Variants in SEMA5A observed in about 807,000 individuals in gnomAD.
SEMA5A encodes semaphorin 5A.
SEMA5A carries 55 observed loss-of-function variants against 135.5 expected under a neutral mutation model. That is an observed-to-expected ratio of 0.41 (90% CI 0.33 to 0.51). The LOEUF is 0.51. Ranked by LOEUF, SEMA5A falls within the 20% of genes least tolerant of loss-of-function variation. The pLI is 0.37. For synonymous variants in SEMA5A, 580 were observed against 546.5 expected (o/e 1.06, Z -0.85); for missense variants, 1,290 against 1,419.9 (o/e 0.91, Z 1.47).
chr5:9,230,855 G>A (rs1349263445), intron 6 of SEMA5A, among the ~76,000 whole-genome samples: 6 of 152,146 alleles, frequency 3.9e-5, no homozygotes, highest in Non-Finnish European at 8.8e-5. Flanking sequence ...CAGGAGCAAC[G>A]AGTGGAGGTG....
intron 18 of SEMA5A, 48 bp downstream of exon 18, chr5:9,062,839 A>G: frequency 6.3e-7 from 1 of 1,589,260 alleles, no homozygotes; most frequent in South Asian, 1.1e-5. Context: ...AAGACTCTCC[A>G]AGGCCCTTGA....
At chr5:9,046,780 T>C (rs257090) in intron 21 of SEMA5A, among the ~76,000 whole-genome samples, 136,632 of 152,270 alleles carry the variant, frequency 0.9, 61,505 homozygotes, top group East Asian at 0.96. Flanking sequence ...GATCTGCCCC[T>C]TCGGGTGCAT....
chr5:9,541,269 T>C (rs1009233790), intron 1 of SEMA5A, among the ~76,000 whole-genome samples: 1 of 152,242 alleles, frequency 6.6e-6, no homozygotes, highest in Non-Finnish European at 1.5e-5. Flanking sequence ...GTAATTGAAT[T>C]ACCTATTGCA....
At chr5:9,330,259 G>C (rs1022339098) in intron 4 of SEMA5A, among the ~76,000 whole-genome samples, 5 of 151,858 alleles carry the variant, frequency 3.3e-5, no homozygotes, top group Non-Finnish European at 7.4e-5. Context: ...GCGTGGTAGC[G>C]GGCGCCTGTA....
At chr5:9,113,875 A>G (rs1374647745) in intron 15 of SEMA5A, among the ~76,000 whole-genome samples, 2 of 152,234 alleles carry the variant, frequency 1.3e-5, no homozygotes, top group Non-Finnish European at 2.9e-5. Flanking sequence ...GTCTCTTTAG[A>G]AAGCAGCATG....
rs34073609 is a variant in SEMA5A at position 9,204,728 on chromosome 5, A to AC, written c.647-2489dup. On this transcript the variant is annotated intron_variant, in intron 8 of 22. Transcript: ENST00000382496. This position sits in a 1 kb window ranked among gnomAD's most constrained non-coding sequence, Gnocchi z 6.4. ...GAATCCATTAGACCGGGGGTCACCA[A>AC]CCCCCAGGACATGGACCAGTACCAG... is the stretch of plus-strand genomic sequence containing the variant. Among the ~76,000 whole-genome samples, 1 of 152,024 alleles carries AC rather than the reference A, an allele frequency of 6.6e-6. No homozygotes were observed. The highest frequency in any genetic ancestry group is 1.5e-5 in the Non-Finnish European group (1 of 67,998).
chr5:9,541,564 G>C (rs1010198612), intron 1 of SEMA5A, among the ~76,000 whole-genome samples: 4 of 152,098 alleles, frequency 2.6e-5, no homozygotes, highest in Non-Finnish European at 5.9e-5. Flanking sequence ...AGGAAAAAAA[G>C]AGTTTAAAAA....
At chr5:9,193,860 G>A (rs1561006926) in intron 10 of SEMA5A, among the ~76,000 whole-genome samples, 1 of 152,136 alleles carries the variant, frequency 6.6e-6, no homozygotes, top group Non-Finnish European at 1.5e-5. Context: ...TCGTACCACT[G>A]TACACCAGCC....
intron 1 of SEMA5A, among the ~76,000 whole-genome samples, chr5:9,493,348 A>G (rs2126804502): frequency 6.6e-6 from 1 of 151,594 alleles, no homozygotes; most frequent in East Asian, 1.9e-4. Context: ...TCTCATATTA[A>G]TGTTTATTCA....
chr5:9,444,660 A>T lies in SEMA5A; in HGVS notation c.-174-6808T>A, dbSNP rs149570273. 3.3e-3 allele frequency among the ~76,000 whole-genome samples: 508 copies of T among 152,308 alleles called. 3 individuals are homozygous for T. The highest frequency in any genetic ancestry group is 0.012 in the African/African-American group (493 of 41,568). On this transcript the variant is annotated intron_variant, in intron 1 of 22. Coordinates refer to ENST00000382496, the MANE Select transcript of SEMA5A (RefSeq NM_003966.3). ...GTGATCCTATAAACATGCATGTGCA[A>T]GTATCTTTTTCATATAATGACTTAT...
chr5:9,098,029 A>G (rs1739418836), intron 16 of SEMA5A, among the ~76,000 whole-genome samples: 1 of 152,074 alleles, frequency 6.6e-6, no homozygotes, highest in Non-Finnish European at 1.5e-5. Flanking sequence ...GGGTCACTTG[A>G]GGTCGGGAGT....
chr5:9,183,546 AC>A (rs1744641141), intron 11 of SEMA5A, among the ~76,000 whole-genome samples: 2 of 152,306 alleles, frequency 1.3e-5, no homozygotes, highest in Admixed American at 1.3e-4. Flanking sequence ...TCTGTCAGCC[AC>A]GGGGGCAGCT....
intron 5 of SEMA5A, among the ~76,000 whole-genome samples, chr5:9,305,067 C>A (rs1561127738): frequency 6.6e-6 from 1 of 152,120 alleles, no homozygotes; most frequent in Non-Finnish European, 1.5e-5. Flanking sequence ...AGGCCCGCCG[C>A]ACAACAGTTC....
rs1229751969 is a variant in SEMA5A, at chr5:9,080,308, T to C, written c.2074-13662A>G. Among the ~76,000 whole-genome samples, 3 of 152,122 alleles carry C rather than the reference T, an allele frequency of 2.0e-5. No homozygotes were observed. In the East Asian group the frequency reaches 5.8e-4, roughly 30 times the overall value. ...CAAACTAACACAAGAACAGAAAACC[T>C]AACACCACATGTTCTCACTCATAAG... is the stretch of plus-strand genomic sequence containing the variant. On this transcript the variant is annotated intron_variant, in intron 16 of 22. Coordinates refer to ENST00000382496, the MANE Select transcript of SEMA5A (RefSeq NM_003966.3).
At chr5:9,251,573 T>C (rs924056272) in intron 5 of SEMA5A, among the ~76,000 whole-genome samples, 1 of 152,184 alleles carries the variant, frequency 6.6e-6, no homozygotes, top group African/African-American at 2.4e-5. Flanking sequence ...AACATTTAGA[T>C]CAGCACTATG....
chr5:9,476,535 G>C (rs1759673288), intron 1 of SEMA5A, among the ~76,000 whole-genome samples: 1 of 152,120 alleles, frequency 6.6e-6, no homozygotes, highest in African/African-American at 2.4e-5. Flanking sequence ...TATGGCAAGA[G>C]CAACAACCCT....
chr5:9,111,740 G>T (rs563363416), intron 15 of SEMA5A, among the ~76,000 whole-genome samples: 6 of 152,122 alleles, frequency 3.9e-5, no homozygotes, highest in Non-Finnish European at 5.9e-5. Context: ...TTTCACTTAG[G>T]AATTCACCCT....
intron 16 of SEMA5A, among the ~76,000 whole-genome samples, chr5:9,097,067 T>G (rs1275646528): frequency 6.6e-6 from 1 of 152,172 alleles, no homozygotes; most frequent in African/African-American, 2.4e-5. Flanking sequence ...ATCTTAAATA[T>G]ACACGATAAA....
chr5:9,515,457 A>G (rs978183702), intron 1 of SEMA5A, among the ~76,000 whole-genome samples: 4 of 152,178 alleles, frequency 2.6e-5, no homozygotes, highest in Non-Finnish European at 1.5e-5. Context: ...TTCATTGAGA[A>G]CCTTGAAATA....
Sources: allele counts gnomAD v4.1 joint callset (sites outside exome capture counted in the v4.1 genomes callset), GRCh38; gene constraint gnomAD v4.1.1; non-coding constraint Gnocchi (gnomAD v3.1); transcripts MANE v1.5; gene names NCBI Gene and HGNC (gene_info 2026-07-23, HGNC 2026-07-21).